HHIP: variants seen among roughly 807,000 people sequenced by gnomAD.
HHIP encodes the protein hedgehog interacting protein, also known as hedgehog-interacting protein.
Under a neutral mutation model 74.0 loss-of-function variants are expected in HHIP, and 12 were observed. The observed-to-expected ratio is 0.16, with a 90% CI of 0.10 to 0.26. HHIP has a LOEUF of 0.26. HHIP is among the 10% of genes least tolerant of loss of function. The probability of loss-of-function intolerance (pLI) is 1.00; values close to 1 mark genes in which losing one functional copy is unlikely to be tolerated. For missense variants in HHIP, 788 were observed against 845.0 expected (o/e 0.93, Z 0.84); for synonymous variants, 309 against 311.6 (o/e 0.99, Z 0.09).
intron 8 of HHIP, 48 bp from the exon 9 acceptor site, chr4:144,714,177 C>T: frequency 6.4e-7 from 1 of 1,553,844 alleles, no homozygotes; most frequent in Non-Finnish European, 8.9e-7. Flanking sequence ...ATTCCTTTTA[C>T]TTTATGAAAA....
intron 2 of HHIP, among the ~76,000 whole-genome samples, chr4:144,656,705 T>C (rs1360677656): frequency 6.6e-6 from 1 of 152,188 alleles, no homozygotes; most frequent in Non-Finnish European, 1.5e-5. Flanking sequence ...CCTGCATGCA[T>C]AATATAGGCA....
intron 4 of HHIP, among the ~76,000 whole-genome samples, chr4:144,665,991 G>A (rs1013511791): frequency 7.9e-5 from 12 of 152,074 alleles, no homozygotes; most frequent in African/African-American, 2.2e-4. Flanking sequence ...GTGAAAAACC[G>A]GGAAATCTGG....
intron 4 of HHIP, among the ~76,000 whole-genome samples, chr4:144,698,085 G>C (rs911860658): frequency 2.0e-5 from 3 of 152,062 alleles, no homozygotes; most frequent in African/African-American, 7.2e-5. Context: ...CCTAAACATA[G>C]ATTTGACACG....
In HHIP at chr4:144,689,209, A is replaced by G. The variant is rs1274858337; in HGVS notation, c.832-17322A>G. 2.0e-5 allele frequency among the ~76,000 whole-genome samples: 3 copies of G among 152,220 alleles called. No individual in the cohort carries two copies. The East Asian group carries it at 5.8e-4, about 29-fold the overall frequency. On this transcript the variant is annotated intron_variant, in intron 4 of 12. Coordinates refer to ENST00000296575, the MANE Select transcript of HHIP (RefSeq NM_022475.3). Reference sequence around the variant, plus strand: ...GAGTGTGTTCTTTATAACAAACAGGAAATCTCACTAACTCTAATCCAAAGT... The same window carrying G: ...GAGTGTGTTCTTTATAACAAACAGGGAATCTCACTAACTCTAATCCAAAGT...
chr4:144,722,302 G>C (rs1268763758), intron 11 of HHIP, among the ~76,000 whole-genome samples: 1 of 152,130 alleles, frequency 6.6e-6, no homozygotes, highest in Non-Finnish European at 1.5e-5. Context: ...CCTTAGTGTA[G>C]CACTCAGCAT....
intron 4 of HHIP, among the ~76,000 whole-genome samples, chr4:144,663,067 C>A (rs1728756577): frequency 6.6e-6 from 1 of 152,152 alleles, no homozygotes; most frequent in Non-Finnish European, 1.5e-5. Flanking sequence ...AGGAGGATTA[C>A]TTGAAGTCAG....
chr4:144,739,432 C>T lies in HHIP; in HGVS notation c.*1475C>T, dbSNP rs998055784. 6.6e-6 allele frequency: 1 copy of T among 152,198 alleles called. No homozygotes were observed. Among genetic ancestry groups the T allele is most frequent in the Non-Finnish European group, 1.5e-5 (1 of 68,028 alleles). The allele number at this position is 152,198 out of a possible 1,614,324, so 9.4% of individuals were successfully genotyped here. ...TTGTAGAGCAGTATAGATTATGCAGCGCCAGCTGACTTTCTAAACCTTCTC... is the reference window on the plus strand; with the variant it reads ...TTGTAGAGCAGTATAGATTATGCAGTGCCAGCTGACTTTCTAAACCTTCTC... On this transcript the variant is annotated 3_prime_UTR_variant, in exon 13 of 13. Coordinates refer to ENST00000296575, the MANE Select transcript of HHIP (RefSeq NM_022475.3).
chr4:144,742,724 T>C lies in HHIP; in HGVS notation c.*4767T>C, dbSNP rs1037829252. On this transcript the variant is annotated 3_prime_UTR_variant, in exon 13 of 13. Coordinates refer to ENST00000296575, the MANE Select transcript of HHIP (RefSeq NM_022475.3). ...GCTGGCAATACCATCAGAAAGTTTATCTTTAAAATACCTAAAAATAAATAT... is the reference window on the plus strand; with the variant it reads ...GCTGGCAATACCATCAGAAAGTTTACCTTTAAAATACCTAAAAATAAATAT... The C allele has an allele frequency of 2.0e-5, 3 of 150,602 alleles. No individual in the cohort carries two copies. Among genetic ancestry groups the C allele is most frequent in the African/African-American group, 4.9e-5 (2 of 41,012 alleles). The allele number at this position is 150,602 out of a possible 1,614,324, so 9.3% of individuals were successfully genotyped here. A position where few individuals can be genotyped will look rare whatever the true frequency, so the allele number is the denominator to read the frequency against.
At position 144,652,792 on chromosome 4, in the gene HHIP, T is replaced by C. The variant is rs139538376; in HGVS notation, c.467T>C (p.Ile156Thr). The change falls in exon 2 of 13, where the codon ATT (isoleucine) becomes ACT (threonine). Residue 156 changes from isoleucine (I) to threonine (T), a missense_variant. Coordinates refer to ENST00000296575, the MANE Select transcript of HHIP (RefSeq NM_022475.3). Reference protein sequence around the residue: ...KEFFYTCRGHIPGFLQTTADE... With the variant: ...KEFFYTCRGHTPGFLQTTADE... The stretch of plus-strand genomic sequence containing the variant: ...TTCTTTTACACTTGCCGAGGCCATA[T>C]TCCAGGTAAGAAAAAAAAATGCATA... 1.0e-4 allele frequency: 159 copies of C among 1,569,450 alleles called. No individual in the cohort carries two copies. The African/African-American group carries it at 1.9e-3, about 19-fold the overall frequency.
intron 4 of HHIP, among the ~76,000 whole-genome samples, chr4:144,697,308 T>C (rs950211399): frequency 3.9e-5 from 6 of 152,024 alleles, no homozygotes; most frequent in Non-Finnish European, 8.8e-5. Flanking sequence ...TGAGAAGGGA[T>C]TTTTATGCTT....
At chr4:144,652,531 G>A in intron 1 of HHIP, 74 bp from the exon 2 acceptor site, 1 of 941,794 alleles carries the variant, frequency 1.1e-6, no homozygotes, top group Non-Finnish European at 1.7e-6. Context: ...TTACACAATT[G>A]CAAAAAATAA....
At chr4:144,663,281 G>A (rs542820163) in intron 4 of HHIP, among the ~76,000 whole-genome samples, 6 of 151,988 alleles carry the variant, frequency 3.9e-5, no homozygotes, top group Non-Finnish European at 7.4e-5. Flanking sequence ...GCAACAGAGC[G>A]AGACTCCATT....
intron 4 of HHIP, among the ~76,000 whole-genome samples, chr4:144,661,098 A>G (rs1349516557): frequency 6.6e-6 from 1 of 152,188 alleles, no homozygotes; most frequent in Non-Finnish European, 1.5e-5. Context: ...TATAACAAGA[A>G]CTGATGTTCT....
At chr4:144,695,626 T>A (rs903749952) in intron 4 of HHIP, among the ~76,000 whole-genome samples, 13 of 151,868 alleles carry the variant, frequency 8.6e-5, no homozygotes, top group African/African-American at 2.9e-4. Flanking sequence ...TATATTTGTC[T>A]ACTAAATAAA....
At position 144,715,292 on chromosome 4, in the gene HHIP, T is replaced by G; in HGVS notation, c.1548-8T>G. ...TCATTGTAGCTTTATGGTATGTTTC[T>G]GTTGTAGGAATTTCCTAACTCTCCA... On this transcript the variant is annotated splice_polypyrimidine_tract_variant and splice_region_variant and intron_variant, in intron 9 of 12. Coordinates refer to ENST00000296575, the MANE Select transcript of HHIP (RefSeq NM_022475.3). 1 of 1,612,186 alleles carries G rather than the reference T, an allele frequency of 6.2e-7. No individual in the cohort carries two copies. The highest frequency in any genetic ancestry group is 1.1e-5 in the South Asian group (1 of 90,988).
chr4:144,690,138 A>C (rs1729605830), intron 4 of HHIP, among the ~76,000 whole-genome samples: 1 of 152,170 alleles, frequency 6.6e-6, no homozygotes, highest in Non-Finnish European at 1.5e-5. Context: ...TTTGAAAGAG[A>C]AGATAATTGT....
Position 144,738,214 on chromosome 4 carries a change from G to A in HHIP, c.*257G>A. 4.8e-6 allele frequency: 5 copies of A among 1,051,444 alleles called. No individual in the cohort carries two copies. Among genetic ancestry groups the A allele is most frequent in the Non-Finnish European group, 5.7e-6 (5 of 871,440 alleles). The allele number at this position is 1,051,444 out of a possible 1,614,324, so 65.1% of individuals were successfully genotyped here. A position where few individuals can be genotyped will look rare whatever the true frequency, so the allele number is the denominator to read the frequency against. On this transcript the variant is annotated 3_prime_UTR_variant, in exon 13 of 13. Transcript: ENST00000296575. Reference sequence around the variant, plus strand: ...TTTTTTAAAATATATACTTCCTTATGCAAAGTAATTTACACAGAAATTCCA... The same window carrying A: ...TTTTTTAAAATATATACTTCCTTATACAAAGTAATTTACACAGAAATTCCA...
At chr4:144,666,248 C>CGTGTGTGT (rs5862718) in intron 4 of HHIP, among the ~76,000 whole-genome samples, 2 of 143,268 alleles carry the variant, frequency 1.4e-5, no homozygotes, top group African/African-American at 2.6e-5. Context: ...ATACTACAGT[C>CGTGTGTGT]GTGTGTGTGT....
chr4:144,672,985 C>T (rs1018633645), intron 4 of HHIP, among the ~76,000 whole-genome samples: 2 of 152,234 alleles, frequency 1.3e-5, no homozygotes, highest in African/African-American at 2.4e-5. Context: ...GCATGAGCTA[C>T]AGGGCCTGGC....
Sources: gnomAD v4.1 joint callset for allele counts (sites outside exome capture counted in the v4.1 genomes callset) on GRCh38, gnomAD v4.1.1 for gene constraint, MANE v1.5 for transcripts, NCBI Gene and HGNC (gene_info 2026-07-23, HGNC 2026-07-21) for gene names.